The following TDRD12 variants were observed in gnomAD, a reference collection of about 807,000 sequenced individuals.
TDRD12 encodes putative ATP-dependent RNA helicase TDRD12.
A neutral mutation model predicts 133.5 loss-of-function variants in TDRD12; 158 were observed. The ratio of observed to expected loss-of-function variants is 1.18; its 90% CI spans 1.04 to 1.35. The LOEUF is 1.35. Among genes scored for constraint, TDRD12 ranks in the 40% most tolerant of loss-of-function variants. The pLI is 0.00. For missense variants in TDRD12, 1,443 were observed against 1,321.3 expected (o/e 1.09, Z -1.43); for synonymous variants, 460 against 477.9 (o/e 0.96, Z 0.49).
At chr19:32,770,564 A>G (rs1381479890) in intron 8 of TDRD12, among the ~76,000 whole-genome samples, 1 of 152,116 alleles carries the variant, frequency 6.6e-6, no homozygotes, top group Non-Finnish European at 1.5e-5. Flanking sequence ...GTTTTCTAAA[A>G]TTTTAATTTA....
At chr19:32,781,108 A>G (rs2145630907) in intron 11 of TDRD12, among the ~76,000 whole-genome samples, 1 of 151,764 alleles carries the variant, frequency 6.6e-6, no homozygotes, top group Middle Eastern at 3.4e-3. Context: ...ACGCCTGGCT[A>G]ATTTTTTTGT....
At chr19:32,737,788 G>A (rs1254889753) in intron 2 of TDRD12, among the ~76,000 whole-genome samples, 1 of 152,206 alleles carries the variant, frequency 6.6e-6, no homozygotes, top group Non-Finnish European at 1.5e-5. Flanking sequence ...TGTCATCAAG[G>A]AGCCAGCGTC....
chr19:32,751,736 T>C (rs1354644901), intron 6 of TDRD12, among the ~76,000 whole-genome samples: 1 of 152,200 alleles, frequency 6.6e-6, no homozygotes, highest in Non-Finnish European at 1.5e-5. Flanking sequence ...GGCACCACCA[T>C]GCCCATGAGT....
At chr19:32,820,201 C>T (rs924263474) in intron 27 of TDRD12, among the ~76,000 whole-genome samples, 4 of 152,144 alleles carry the variant, frequency 2.6e-5, no homozygotes, top group Admixed American at 6.5e-5. Context: ...AAGACAGGCA[C>T]GGACCCCTCC....
intron 4 of TDRD12, among the ~76,000 whole-genome samples, chr19:32,748,255 A>G (rs1412242274): frequency 1.3e-5 from 2 of 152,114 alleles, no homozygotes; most frequent in Admixed American, 6.6e-5. Context: ...CCTCTGTGCT[A>G]TGAGTCTGCA....
intron 1 of TDRD12, among the ~76,000 whole-genome samples, chr19:32,726,502 G>A (rs1404461257): frequency 6.6e-6 from 1 of 152,224 alleles, no homozygotes; most frequent in Non-Finnish European, 1.5e-5. Flanking sequence ...CATATAAGTG[G>A]AATCATACAG....
At chr19:32,730,928 T>C (rs1266853672) in intron 1 of TDRD12, among the ~76,000 whole-genome samples, 1 of 152,152 alleles carries the variant, frequency 6.6e-6, no homozygotes, top group African/African-American at 2.4e-5. Flanking sequence ...GGCAGGAGAA[T>C]TGCTTGAACC....
At chr19:32,817,184 T>C (rs1054882600) in intron 26 of TDRD12, among the ~76,000 whole-genome samples, 1 of 152,290 alleles carries the variant, frequency 6.6e-6, no homozygotes, top group Non-Finnish European at 1.5e-5. Context: ...TTCAGTGGCA[T>C]TTAGGACATT....
At chr19:32,778,201 G>A (rs1970663460) in intron 11 of TDRD12, among the ~76,000 whole-genome samples, 1 of 151,878 alleles carries the variant, frequency 6.6e-6, no homozygotes, top group South Asian at 2.1e-4. Context: ...GGGCTTCCCA[G>A]CTTCCCAGAG....
At chr19:32,764,255 C>G (rs539432757) in intron 8 of TDRD12, among the ~76,000 whole-genome samples, 2 of 151,936 alleles carry the variant, frequency 1.3e-5, no homozygotes, top group East Asian at 3.9e-4. Flanking sequence ...GGACTACAGG[C>G]GCCTGCCACC....
downstream of TDRD12, chr19:32,824,002 T>C (rs908555449): frequency 1.3e-5 from 2 of 152,340 alleles, no homozygotes; most frequent in African/African-American, 4.8e-5. Flanking sequence ...TGAGCTCTAC[T>C]GGGAAGCTCT....
rs1967093380 is a variant in TDRD12, at chr19:32,814,015, G to A, written c.3141+239G>A. ...CGCACACGTGCATTGTGTATGCGAG[G>A]CACACGCACGCACACACATGCAGCC... On this transcript the variant is annotated intron_variant, in intron 25 of 27. Coordinates refer to ENST00000444215, the Ensembl canonical transcript of TDRD12. Among the ~76,000 whole-genome samples the A allele has an allele frequency of 2.6e-5, 4 of 152,220 alleles. No individual in the cohort carries two copies. The South Asian group carries it at 6.2e-4, about 24-fold the overall frequency.
chr19:32,751,296 T>C (rs1260528026), intron 6 of TDRD12, among the ~76,000 whole-genome samples: 1 of 152,206 alleles, frequency 6.6e-6, no homozygotes, highest in Non-Finnish European at 1.5e-5. Flanking sequence ...TTCCTTTTTA[T>C]GACTGCATGG....
intron 10 of TDRD12, among the ~76,000 whole-genome samples, chr19:32,776,185 G>A (rs776351003): frequency 1.3e-5 from 2 of 152,174 alleles, no homozygotes; most frequent in Non-Finnish European, 2.9e-5. Flanking sequence ...TATTCCTCTG[G>A]CCAGATAGTT....
At position 32,731,840 on chromosome 19, in the gene TDRD12, G is replaced by GT. The variant is rs1199898377; in HGVS notation, c.141dup (p.Gln48SerfsTer21). The GT allele has an allele frequency of 6.5e-7, 1 of 1,549,968 alleles. No homozygotes were observed. Among genetic ancestry groups the GT allele is most frequent in the South Asian group, 1.2e-5 (1 of 83,382 alleles). ...ATGAATGACTTCTACAACAGCACGT[G>GT]TCAAGATATAGAAATAAAACCCTTA... On this transcript the variant is annotated frameshift_variant, in exon 2 of 28. Coordinates refer to ENST00000444215, the Ensembl canonical transcript of TDRD12. LOFTEE classifies it high-confidence loss of function.
chr19:32,789,203 C>T (rs1432779612), intron 11 of TDRD12, among the ~76,000 whole-genome samples: 1 of 152,182 alleles, frequency 6.6e-6, no homozygotes, highest in African/African-American at 2.4e-5. Context: ...GGTCAGGCCT[C>T]CCGCGGCTGG....
At chr19:32,800,770 A>C in exon 18 of TDRD12, 1 of 1,530,028 alleles carries the variant, frequency 6.5e-7, no homozygotes, top group Non-Finnish European at 8.7e-7. Context: ...AATAGTGTGT[A>C]AGGTGAGTCC....
At chr19:32,744,721 C>T (rs1015635872) in intron 4 of TDRD12, among the ~76,000 whole-genome samples, 2 of 152,000 alleles carry the variant, frequency 1.3e-5, no homozygotes, top group African/African-American at 2.4e-5. Context: ...TGAGCACTAC[C>T]GAGTGGCCTG....
chr19:32,788,430 GATTTTACA>G (rs988593477), intron 11 of TDRD12, among the ~76,000 whole-genome samples: 5 of 152,036 alleles, frequency 3.3e-5, no homozygotes, highest in Admixed American at 3.3e-4. Flanking sequence ...TTTTTGGAAT[GATTTTACA>G]ATTTTGTCCT....
Sources: allele counts gnomAD v4.1 joint callset (sites outside exome capture counted in the v4.1 genomes callset), GRCh38; gene constraint gnomAD v4.1.1; transcripts MANE v1.5; gene names NCBI Gene and HGNC (gene_info 2026-07-23, HGNC 2026-07-21).